Variants in RAB3C observed in about 807,000 individuals in gnomAD.
RAB3C encodes the protein ras-related protein Rab-3C.
A neutral mutation model predicts 26.4 loss-of-function variants in RAB3C; 17 were observed. The ratio of observed to expected loss-of-function variants is 0.64; its 90% CI spans 0.44 to 0.97. The LOEUF (loss-of-function observed/expected upper bound fraction) is 0.97, where lower values mean the gene tolerates loss of function less well. Ranked by LOEUF, RAB3C falls within the 50% of genes least tolerant of loss-of-function variation. The pLI, the probability that RAB3C is intolerant of heterozygous loss-of-function variation, is 0.00. For missense variants in RAB3C, 242 were observed against 281.9 expected (o/e 0.86, Z 1.01); for synonymous variants, 91 against 95.9 (o/e 0.95, Z 0.30).
In RAB3C at chr5:58,610,310, T is replaced by G. The variant is rs890256893; in HGVS notation, c.25-7333T>G. Among the ~76,000 whole-genome samples the G allele has an allele frequency of 3.3e-5, 5 of 151,406 alleles. No homozygotes were observed. In the Middle Eastern group the frequency reaches 0.01, roughly 309 times the overall value. On this transcript the variant is annotated intron_variant, in intron 1 of 4. Coordinates refer to ENST00000282878, the MANE Select transcript of RAB3C (RefSeq NM_138453.4). ...AATACAATTTAACTTCATGAGAAACTGCTAAACTGTTTGTCAGAGAGGCTG... is the reference window on the plus strand; with the variant it reads ...AATACAATTTAACTTCATGAGAAACGGCTAAACTGTTTGTCAGAGAGGCTG...
At chr5:58,841,531 T>C (rs936422601) in intron 4 of RAB3C, among the ~76,000 whole-genome samples, 2 of 152,040 alleles carry the variant, frequency 1.3e-5, no homozygotes, top group Admixed American at 1.3e-4. Context: ...TGCAGAAGCT[T>C]GGCTCACAGG....
At chr5:58,608,150 G>A (rs1746612286) in intron 1 of RAB3C, among the ~76,000 whole-genome samples, 1 of 152,100 alleles carries the variant, frequency 6.6e-6, no homozygotes, top group South Asian at 2.1e-4. Context: ...ATTGGATAAA[G>A]AGTCCAAACC....
chr5:58,789,721 T>C (rs1302072236), intron 3 of RAB3C, among the ~76,000 whole-genome samples: 2 of 152,280 alleles, frequency 1.3e-5, no homozygotes, highest in East Asian at 3.9e-4. Flanking sequence ...CATAGAATTA[T>C]AAGATAGGAA....
At chr5:58,617,615 TTTTTG>T (rs748040896) in intron 1 of RAB3C, 23 bp from the exon 2 acceptor site, 8 of 1,543,392 alleles carry the variant, frequency 5.2e-6, no homozygotes, top group East Asian at 4.5e-5. Flanking sequence ...ACCTATTTTG[TTTTTG>T]TTTTGTTTTG....
chr5:58,621,965 G>C (rs425203), intron 2 of RAB3C, among the ~76,000 whole-genome samples: 1 of 151,978 alleles, frequency 6.6e-6, no homozygotes, highest in South Asian at 2.1e-4. Context: ...TTCTTGTCAC[G>C]TGCTGCATAG....
intron 4 of RAB3C, among the ~76,000 whole-genome samples, chr5:58,842,679 GCTT>G (rs1346668038): frequency 6.6e-6 from 1 of 152,314 alleles, no homozygotes; most frequent in Non-Finnish European, 1.5e-5. Context: ...AAAGCTAGCT[GCTT>G]CTGGAGAGAG....
chr5:58,620,924 A>G lies in RAB3C; in HGVS notation c.252+3054A>G, dbSNP rs1299927623. ...ATGCTTAAGTATAGGCATTCCTATG[A>G]TAATTCCAGGAATCCTTGCATTATG... On this transcript the variant is annotated intron_variant, in intron 2 of 4. Coordinates refer to ENST00000282878, the MANE Select transcript of RAB3C (RefSeq NM_138453.4). Among the ~76,000 whole-genome samples the G allele has an allele frequency of 3.3e-5, 5 of 151,286 alleles. No homozygotes were observed. In the South Asian group the frequency reaches 1.1e-3, roughly 32 times the overall value.
In RAB3C at chr5:58,707,516, G is replaced by A. The variant is rs895794804; in HGVS notation, c.253-18486G>A. Among the ~76,000 whole-genome samples, 9 of 152,090 alleles carry A rather than the reference G, an allele frequency of 5.9e-5. No individual in the cohort carries two copies. In the East Asian group the frequency reaches 1.5e-3, roughly 26 times the overall value. ...CCAGAGAAACTCATTTTACAGTTGA[G>A]AAAACTGGGGTACAGAAAGGTTGAT... is the stretch of plus-strand genomic sequence containing the variant. On this transcript the variant is annotated intron_variant, in intron 2 of 4. Coordinates refer to ENST00000282878, the MANE Select transcript of RAB3C (RefSeq NM_138453.4).
intron 2 of RAB3C, among the ~76,000 whole-genome samples, chr5:58,668,103 T>C (rs1295225619): frequency 6.6e-6 from 1 of 152,176 alleles, no homozygotes; most frequent in Admixed American, 6.5e-5. Flanking sequence ...TAACATAGCT[T>C]ACCCATGCAT....
intron 2 of RAB3C, among the ~76,000 whole-genome samples, chr5:58,702,048 C>T (rs1183968568): frequency 1.3e-5 from 2 of 152,118 alleles, no homozygotes; most frequent in Non-Finnish European, 2.9e-5. Flanking sequence ...CTGCATGGAG[C>T]ACTCATGACT....
In RAB3C at chr5:58,854,947, T is replaced by G. The variant is rs1489801531; in HGVS notation, c.*3596T>G. ...AGGAACCAATTTAAACTTTCAATTT[T>G]AAATACATCTATGCTGACGATAGAC... On this transcript the variant is annotated 3_prime_UTR_variant, in exon 5 of 5. Coordinates refer to ENST00000282878, the MANE Select transcript of RAB3C (RefSeq NM_138453.4). The G allele has an allele frequency of 1.3e-5, 2 of 152,188 alleles. No homozygotes were observed. Among genetic ancestry groups the G allele is most frequent in the Non-Finnish European group, 2.9e-5 (2 of 68,038 alleles). The allele number at this position is 152,188 out of a possible 1,614,324, so 9.4% of individuals were successfully genotyped here.
At chr5:58,811,773 G>A (rs1483674502) in intron 3 of RAB3C, among the ~76,000 whole-genome samples, 1 of 151,828 alleles carries the variant, frequency 6.6e-6, no homozygotes, top group African/African-American at 2.4e-5. Flanking sequence ...ACAGGCCCCA[G>A]GACCAATCCC....
intron 3 of RAB3C, among the ~76,000 whole-genome samples, chr5:58,768,205 G>A (rs910643673): frequency 1.3e-5 from 2 of 152,060 alleles, no homozygotes; most frequent in Non-Finnish European, 2.9e-5. Flanking sequence ...CTAGAGAATG[G>A]GCAGGGAGCA....
intron 4 of RAB3C, among the ~76,000 whole-genome samples, chr5:58,845,462 G>C (rs1579950560): frequency 6.6e-6 from 1 of 151,696 alleles, no homozygotes; most frequent in South Asian, 2.1e-4. Flanking sequence ...GGTTCTTGTT[G>C]AGCATGGGAA....
At chr5:58,604,460 A>G (rs1409141056) in intron 1 of RAB3C, among the ~76,000 whole-genome samples, 1 of 152,148 alleles carries the variant, frequency 6.6e-6, no homozygotes, top group East Asian at 1.9e-4. Context: ...GTCTGAGCTC[A>G]GACTCTCTTT....
At chr5:58,738,126 C>T (rs984007658) in intron 3 of RAB3C, among the ~76,000 whole-genome samples, 1 of 152,138 alleles carries the variant, frequency 6.6e-6, no homozygotes, top group African/African-American at 2.4e-5. Flanking sequence ...TCACGGCCTC[C>T]GTTCAAAGTT....
intron 2 of RAB3C, among the ~76,000 whole-genome samples, chr5:58,635,298 A>G (rs2111756387): frequency 6.6e-6 from 1 of 152,334 alleles, no homozygotes; most frequent in African/African-American, 2.4e-5. Context: ...TTGTTTTGTC[A>G]AACATGGGAA....
At chr5:58,779,149 T>C (rs1742214684) in intron 3 of RAB3C, among the ~76,000 whole-genome samples, 1 of 151,580 alleles carries the variant, frequency 6.6e-6, no homozygotes, top group African/African-American at 2.4e-5. Flanking sequence ...AAAAGGAGAG[T>C]CCAGTCTAGT....
intron 3 of RAB3C, among the ~76,000 whole-genome samples, chr5:58,732,273 T>C (rs987702427): frequency 4.0e-5 from 6 of 151,590 alleles, no homozygotes; most frequent in Non-Finnish European, 7.4e-5. Flanking sequence ...ACCAAGGTAA[T>C]AACCAAGGCC....
Sources: allele counts gnomAD v4.1 joint callset (sites outside exome capture counted in the v4.1 genomes callset), GRCh38; gene constraint gnomAD v4.1.1; transcripts MANE v1.5; gene names NCBI Gene and HGNC (gene_info 2026-07-23, HGNC 2026-07-21).